CSF2RA: variants seen among roughly 807,000 people sequenced by gnomAD.
CSF2RA encodes the protein granulocyte-macrophage colony-stimulating factor receptor subunit alpha.
A neutral mutation model predicts 51.6 loss-of-function variants in CSF2RA; 42 were observed. That is an observed-to-expected ratio of 0.81 (90% CI 0.64 to 1.05). The LOEUF (loss-of-function observed/expected upper bound fraction) is 1.05, where lower values mean the gene tolerates loss of function less well. CSF2RA is among the 50% of genes least tolerant of loss of function. CSF2RA has a pLI of 0.00. For synonymous variants in CSF2RA, 222 were observed against 193.0 expected, an observed-to-expected ratio of 1.15 and a Z score of -1.24; for missense variants, 530 against 501.1, an observed-to-expected ratio of 1.06 and a Z score of -0.55.
downstream of CSF2RA, among the ~76,000 whole-genome samples, chrX:1,312,880 G>A (rs2084246691): frequency 6.6e-6 from 1 of 152,000 alleles, no homozygotes; most frequent in South Asian, 2.1e-4. Context: ...CTGACCTTTT[G>A]ATTCACAAGT....
At chrX:1,322,910 A>G in the CSF2RA span, among the ~76,000 whole-genome samples, 1 of 151,190 alleles carries the variant, frequency 6.6e-6, no homozygotes, top group Admixed American at 6.6e-5. Flanking sequence ...CAGGCAGATC[A>G]CGAGGTCAGG....
chrX:1,283,942 C>T lies in CSF2RA; in HGVS notation c.76+1163C>T, dbSNP rs541892338. 1.6e-3 allele frequency among the ~76,000 whole-genome samples: 250 copies of T among 151,922 alleles called. 5 individuals carry two copies. In the South Asian group the frequency reaches 0.043, roughly 26 times the overall value. On this transcript the variant is annotated intron_variant, in intron 3 of 12. Coordinates refer to ENST00000381529, the MANE Select transcript of CSF2RA (RefSeq NM_172245.4). ...GATAGCTCATTGTGGTTTTGATTTG[C>T]GTTTCCGGGAGGGACCCTCTTGACT...
chrX:1,287,457 T>C (rs73177310), intron 4 of CSF2RA, among the ~76,000 whole-genome samples: 8 of 148,246 alleles, frequency 5.4e-5, no homozygotes, highest in East Asian at 2.0e-4. Flanking sequence ...CGACCTTTAT[T>C]TTTTGGGATG....
At chrX:1,300,317 C>G in intron 9 of CSF2RA, 174 bp from the exon 10 acceptor site, 1 of 755,736 alleles carries the variant, frequency 1.3e-6, no homozygotes. Context: ...AGGCTTGACT[C>G]TGCTTAGCTT....
At chrX:1,316,257 AGAT>A in the CSF2RA span, among the ~76,000 whole-genome samples, 317 of 138,788 alleles carry the variant, frequency 2.3e-3, no homozygotes, top group East Asian at 0.01. Flanking sequence ...TAGATTAGAT[AGAT>A]GATAGATAGA....
intron 7 of CSF2RA, among the ~76,000 whole-genome samples, chrX:1,291,571 CCTT>C (rs1569503594): frequency 6.6e-6 from 1 of 152,040 alleles, no homozygotes; most frequent in Non-Finnish European, 1.5e-5. Flanking sequence ...CCCGTGGACT[CCTT>C]CATCCCGTTG....
At chrX:1,318,750 T>C in the CSF2RA span, among the ~76,000 whole-genome samples, 1 of 150,772 alleles carries the variant, frequency 6.6e-6, no homozygotes, top group African/African-American at 2.4e-5. Context: ...ACCCCATCTC[T>C]ACTAAAAGTA....
At chrX:1,322,584 C>A in the CSF2RA span, among the ~76,000 whole-genome samples, 1 of 151,114 alleles carries the variant, frequency 6.6e-6, no homozygotes, top group Non-Finnish European at 1.5e-5. Context: ...AGCTGTGGGG[C>A]CCCACTGAAC....
the CSF2RA span, among the ~76,000 whole-genome samples, chrX:1,315,399 T>A: frequency 1.5e-4 from 23 of 152,050 alleles, no homozygotes; most frequent in African/African-American, 5.3e-4. Context: ...AGATGAATTT[T>A]ATTTTATTTT....
intron 11 of CSF2RA, among the ~76,000 whole-genome samples, chrX:1,305,183 G>A (rs1465247137): frequency 3.3e-5 from 5 of 150,632 alleles, no homozygotes; most frequent in Non-Finnish European, 7.4e-5. Flanking sequence ...TAGTAGAGAC[G>A]GGGTTTCACC....
chrX:1,300,979 C>A (rs1311925110), intron 10 of CSF2RA, among the ~76,000 whole-genome samples: 1 of 151,796 alleles, frequency 6.6e-6, no homozygotes, highest in African/African-American at 2.4e-5. Context: ...CATGGTGAAA[C>A]CCCGTCTCTA....
chrX:1,297,068 T>C (rs28687139), intron 9 of CSF2RA, among the ~76,000 whole-genome samples: 2,185 of 5,836 alleles, frequency 0.37, 10 homozygotes, highest in Middle Eastern at 0.5. Flanking sequence ...CCCCTACACT[T>C]TCCTACCCAT....
At chrX:1,286,081 T>G (rs1247306087) in intron 4 of CSF2RA, among the ~76,000 whole-genome samples, 161 bp downstream of exon 4, 1 of 152,050 alleles carries the variant, frequency 6.6e-6, no homozygotes, top group Non-Finnish European at 1.5e-5. Context: ...AAGACCAGCC[T>G]GACCAACATG....
At chrX:1,284,262 G>C (rs1421741216) in intron 3 of CSF2RA, among the ~76,000 whole-genome samples, 1 of 145,090 alleles carries the variant, frequency 6.9e-6, no homozygotes, top group Non-Finnish European at 1.5e-5. Flanking sequence ...GGAGTGCAGT[G>C]GCGTGATCTC....
At chrX:1,317,774 G>C in the CSF2RA span, among the ~76,000 whole-genome samples, 5 of 151,556 alleles carry the variant, frequency 3.3e-5, no homozygotes, top group African/African-American at 9.7e-5. Context: ...AATGGGGCTT[G>C]GATCTTCTCT....
downstream of CSF2RA, among the ~76,000 whole-genome samples, chrX:1,310,667 CAAAAA>C (rs542174861): frequency 3.3e-5 from 4 of 121,622 alleles, no homozygotes; most frequent in East Asian, 4.4e-4. Flanking sequence ...GACTCCATCT[CAAAAA>C]AAAAAAAAAA....
intron 1 of CSF2RA, among the ~76,000 whole-genome samples, chrX:1,269,555 G>A (rs777942607): frequency 4.0e-5 from 6 of 151,808 alleles, no homozygotes; most frequent in South Asian, 4.2e-4. Flanking sequence ...CCCGGGAGGC[G>A]GAGCTTGCAG....
intron 1 of CSF2RA, among the ~76,000 whole-genome samples, chrX:1,273,770 T>TGTTTTTG (rs1271090194): frequency 2.1e-5 from 3 of 144,430 alleles, no homozygotes; most frequent in Non-Finnish European, 4.6e-5. Context: ...TTTTTGTATT[T>TGTTTTTG]TTTTTTTTTA....
chrX:1,324,148 G>A, the CSF2RA span, among the ~76,000 whole-genome samples: 46 of 151,808 alleles, frequency 3.0e-4, no homozygotes, highest in African/African-American at 1.1e-3. Context: ...TCACGCCGCT[G>A]CACTCCAGCC....
Sources: gnomAD v4.1 joint callset for allele counts (sites outside exome capture counted in the v4.1 genomes callset) on GRCh38, gnomAD v4.1.1 for gene constraint, MANE v1.5 for transcripts, NCBI Gene and HGNC (gene_info 2026-07-23, HGNC 2026-07-21) for gene names.